USP34: variants seen among roughly 807,000 people sequenced by gnomAD.
The protein encoded by USP34 is ubiquitin specific peptidase 34, also known as ubiquitin carboxyl-terminal hydrolase 34.
A neutral mutation model predicts 460.3 loss-of-function variants in USP34; 70 were observed. The ratio of observed to expected loss-of-function variants is 0.15; its 90% CI spans 0.13 to 0.19. The LOEUF (loss-of-function observed/expected upper bound fraction) is 0.19. USP34 is among the 10% of genes least tolerant of loss of function. The probability of loss-of-function intolerance (pLI) is 1.00; values close to 1 mark genes in which losing one functional copy is unlikely to be tolerated. For missense variants in USP34, 3,985 were observed against 4,236.2 expected (o/e 0.94, Z 1.65); for synonymous variants, 1,647 against 1,405.3 (o/e 1.17, Z -3.85).
At chr2:61,410,264 G>A (rs1239206896) in intron 2 of USP34, among the ~76,000 whole-genome samples, 1 of 152,168 alleles carries the variant, frequency 6.6e-6, no homozygotes, top group Non-Finnish European at 1.5e-5. Context: ...GGTGATAGGA[G>A]ACAGCGATAG....
In USP34 at chr2:61,188,422, T is replaced by G. The variant is rs764697278; in HGVS notation, c.10321A>C (p.Asn3441His). The change falls in exon 80 of 80, where the codon AAT becomes CAT. Residue 3441 changes from asparagine (N) to histidine (H), a missense_variant. Transcript: ENST00000398571. The stretch of plus-strand genomic sequence containing the variant: ...TCTTTACAATCGTCATATCTACCAT[T>G]GTTGGACTGTTCTTCTGCATGCTGT... ...RSQHAEEQSN[N>H]GRYDDCKEFK... The G allele has an allele frequency of 3.1e-6, 5 of 1,614,242 alleles. No homozygotes were observed. The highest frequency in any genetic ancestry group is 4.2e-6 in the Non-Finnish European group (5 of 1,180,046).
At chr2:61,272,226 A>G (rs1689236800) in intron 41 of USP34, among the ~76,000 whole-genome samples, 2 of 152,068 alleles carry the variant, frequency 1.3e-5, no homozygotes, top group South Asian at 4.2e-4. Flanking sequence ...CCTGGCTAAC[A>G]TGGTGAAACC....
chr2:61,264,149 T>C (rs1688979211), intron 43 of USP34, among the ~76,000 whole-genome samples: 1 of 152,164 alleles, frequency 6.6e-6, no homozygotes, highest in Non-Finnish European at 1.5e-5. Flanking sequence ...GAACTAATCA[T>C]TCAACTACTT....
chr2:61,453,049 T>G (rs1695331722), intron 1 of USP34, among the ~76,000 whole-genome samples: 1 of 152,088 alleles, frequency 6.6e-6, no homozygotes. Flanking sequence ...GGCACTCTCA[T>G]ATAAAGCTTT....
intron 21 of USP34, among the ~76,000 whole-genome samples, chr2:61,322,893 A>G (rs1357324458): frequency 6.6e-6 from 1 of 152,222 alleles, no homozygotes; most frequent in Non-Finnish European, 1.5e-5. Flanking sequence ...AGTCAACTAA[A>G]TAAAAAAACA....
intron 8 of USP34, among the ~76,000 whole-genome samples, chr2:61,375,768 C>CAAAAAAAAAAAAAAAAAAAAAAAAAAA (rs56304309): frequency 4.9e-5 from 4 of 80,886 alleles, no homozygotes; most frequent in South Asian, 4.7e-4. Flanking sequence ...GACTCTGTCT[C>CAAAAAAAAAAAAAAAAAAAAAAAAAAA]AAAAAAAAAA....
intron 1 of USP34, among the ~76,000 whole-genome samples, chr2:61,453,392 C>T (rs554239618): frequency 3.3e-5 from 5 of 151,568 alleles, no homozygotes; most frequent in Admixed American, 2.0e-4. Flanking sequence ...CCAGCATAGA[C>T]GACAGAGTAA....
intron 2 of USP34, among the ~76,000 whole-genome samples, chr2:61,407,310 G>A (rs997992405): frequency 6.7e-6 from 1 of 148,660 alleles, no homozygotes; most frequent in African/African-American, 2.5e-5. Flanking sequence ...AGGAGGCTGA[G>A]ACAGCAGTGA....
intron 67 of USP34, among the ~76,000 whole-genome samples, chr2:61,216,214 T>C (rs1687392190): frequency 6.6e-6 from 1 of 152,222 alleles, no homozygotes; most frequent in Non-Finnish European, 1.5e-5. Flanking sequence ...CAGTTTGTTA[T>C]GTGTTTCAAA....
chr2:61,374,472 T>C (rs1160845407), intron 8 of USP34, among the ~76,000 whole-genome samples: 3 of 152,198 alleles, frequency 2.0e-5, no homozygotes, highest in Non-Finnish European at 4.4e-5. Flanking sequence ...GACATGCACA[T>C]AGCAGTGAAA....
intron 65 of USP34, among the ~76,000 whole-genome samples, chr2:61,222,129 G>C (rs919031770): frequency 6.6e-6 from 1 of 152,124 alleles, no homozygotes; most frequent in Non-Finnish European, 1.5e-5. Context: ...TTGTTAATGA[G>C]ACAACTGTGT....
intron 5 of USP34, among the ~76,000 whole-genome samples, chr2:61,386,126 A>G (rs2593620): frequency 0.53 from 80,498 of 151,894 alleles, 21,559 homozygotes; most frequent in South Asian, 0.73. Flanking sequence ...ATAGAATGGT[A>G]TACTATGCCA....
intron 61 of USP34, among the ~76,000 whole-genome samples, chr2:61,227,528 T>C (rs142072270): frequency 1.3e-5 from 2 of 152,182 alleles, no homozygotes; most frequent in East Asian, 3.9e-4. Context: ...CTGGCCGACA[T>C]GGTGAAACTC....
At chr2:61,291,123 C>T (rs1320936624) in intron 33 of USP34, among the ~76,000 whole-genome samples, 3 of 151,966 alleles carry the variant, frequency 2.0e-5, no homozygotes, top group Non-Finnish European at 4.4e-5. Flanking sequence ...AAAAGACAAC[C>T]CAATTAAAAG....
chr2:61,452,318 C>CTTTT (rs35104375), intron 1 of USP34, among the ~76,000 whole-genome samples: 50 of 89,926 alleles, frequency 5.6e-4, no homozygotes, highest in East Asian at 1.7e-3. Context: ...ATTCCCGGCA[C>CTTTT]TTTTTTTTTT....
chr2:61,337,243 A>C (rs1321298366), intron 18 of USP34, among the ~76,000 whole-genome samples: 1 of 152,202 alleles, frequency 6.6e-6, no homozygotes, highest in Non-Finnish European at 1.5e-5. Context: ...GATATAAATA[A>C]AATAATAGAG....
chr2:61,432,782 G>GGTA (rs1694713915), intron 1 of USP34, among the ~76,000 whole-genome samples: 1 of 151,586 alleles, frequency 6.6e-6, no homozygotes. Flanking sequence ...CTGGGTGATG[G>GGTA]GTACATAAGT....
At chr2:61,250,223 G>GAA (rs1688539109) in intron 48 of USP34, 2 of 166,730 alleles carry the variant, frequency 1.2e-5, no homozygotes, top group African/African-American at 4.8e-5. Flanking sequence ...AAAAAGAAAA[G>GAA]AAAAACAGCT....
intron 1 of USP34, among the ~76,000 whole-genome samples, chr2:61,443,099 G>A (rs1033859801): frequency 3.3e-5 from 5 of 152,038 alleles, no homozygotes; most frequent in Non-Finnish European, 7.4e-5. Flanking sequence ...TCTCATGTAA[G>A]TAAAAAGTAG....
Sources: gnomAD v4.1 joint callset for allele counts (sites outside exome capture counted in the v4.1 genomes callset) on GRCh38, gnomAD v4.1.1 for gene constraint, MANE v1.5 for transcripts, NCBI Gene and HGNC (gene_info 2026-07-23, HGNC 2026-07-21) for gene names.